PTPN21: variants seen among roughly 807,000 people sequenced by gnomAD.
PTPN21 encodes protein tyrosine phosphatase non-receptor type 21.
In PTPN21, 77 loss-of-function variants were observed where a neutral mutation model predicts 131.8. That is an observed-to-expected ratio of 0.58 (90% CI 0.49 to 0.71). The LOEUF is 0.71. PTPN21 is among the 30% of genes least tolerant of loss of function. The probability of loss-of-function intolerance (pLI) is 0.00; values close to 1 mark genes in which losing one functional copy is unlikely to be tolerated. For missense variants in PTPN21, 1,552 were observed against 1,527.1 expected, an observed-to-expected ratio of 1.02 and a Z score of -0.27; for synonymous variants, 715 against 621.3, an observed-to-expected ratio of 1.15 and a Z score of -2.24.
At chr14:88,488,542 G>A (rs1321968916) in intron 10 of PTPN21, among the ~76,000 whole-genome samples, 1 of 152,242 alleles carries the variant, frequency 6.6e-6, no homozygotes, top group Non-Finnish European at 1.5e-5. Context: ...AGAAAACCAT[G>A]TAACTGTTGG....
rs1338083268 is a variant in PTPN21 at position 88,485,129 on chromosome 14, G to T, written c.1025C>A (p.Pro342Gln). The T allele has an allele frequency of 6.2e-7, 1 of 1,606,662 alleles. No homozygotes were observed. ...ATGTCCATTATAGTGCAACTGCGGTGGGGGAGGCATCACGTAGGGCTGGGG... is the reference window on the plus strand; with the variant it reads ...ATGTCCATTATAGTGCAACTGCGGTTGGGGAGGCATCACGTAGGGCTGGGG... ...PKPQPYVMPP[P>Q]PQLHYNGHYT... is the part of the protein sequence containing the mutation. The change falls in exon 12 of 19, where the codon CCA (proline) becomes CAA (glutamine). Residue 342 changes from proline (P) to glutamine (Q), a missense_variant. Transcript: ENST00000556564.
At chr14:88,517,769 T>C (rs1375424937) in intron 2 of PTPN21, among the ~76,000 whole-genome samples, 2 of 142,966 alleles carry the variant, frequency 1.4e-5, no homozygotes, top group African/African-American at 5.2e-5. Context: ...GTATATACAC[T>C]ATATATAATG....
intron 2 of PTPN21, among the ~76,000 whole-genome samples, chr14:88,518,713 G>A (rs1472489495): frequency 6.6e-6 from 1 of 151,454 alleles, no homozygotes; most frequent in Non-Finnish European, 1.5e-5. Context: ...TTATAGGCAT[G>A]AGCCACCGCA....
intron 13 of PTPN21, among the ~76,000 whole-genome samples, chr14:88,477,977 G>C (rs748854434): frequency 4.6e-5 from 7 of 152,244 alleles, no homozygotes; most frequent in Non-Finnish European, 1.0e-4. Flanking sequence ...TACATCTACA[G>C]TGTAGATGAT....
At position 88,498,886 on chromosome 14, in the gene PTPN21, T is replaced by A. The variant is rs190803000; in HGVS notation, c.765-1596A>T. Among the ~76,000 whole-genome samples, 907 of 137,948 alleles carry A rather than the reference T, an allele frequency of 6.6e-3. 12 individuals are homozygous for A. The highest frequency in any genetic ancestry group is 0.021 in the African/African-American group (874 of 40,684). The allele number at this position is 137,948 out of a possible 152,430, so 90.5% of individuals were successfully genotyped here. On this transcript the variant is annotated intron_variant, in intron 8 of 18. Coordinates refer to ENST00000556564, the MANE Select transcript of PTPN21 (RefSeq NM_007039.4). ...AAAGAAAAAATTATGGAAGAAAAAA[T>A]TTTATCCTTCTCCATTAGATTTATT... is the stretch of plus-strand genomic sequence containing the variant.
At chr14:88,534,326 T>TAA (rs1246083885) in intron 2 of PTPN21, among the ~76,000 whole-genome samples, 4 of 148,860 alleles carry the variant, frequency 2.7e-5, no homozygotes, top group Non-Finnish European at 5.9e-5. Flanking sequence ...GAGGTTGCAG[T>TAA]AAGCCAAGAT....
At chr14:88,549,070 G>A (rs958100523) in intron 2 of PTPN21, among the ~76,000 whole-genome samples, 1 of 152,220 alleles carries the variant, frequency 6.6e-6, no homozygotes, top group South Asian at 2.1e-4. Context: ...ACTGAGTTCA[G>A]GCAGTATGTT....
rs112807605 is a variant in PTPN21, at chr14:88,468,032, C to T, written c.*105G>A. ...CTGCGCCACTTACGTCCCAGTGCCA[C>T]GCTGCGTGGATCAAGTGTCAACGGG... On this transcript the variant is annotated 3_prime_UTR_variant, in exon 19 of 19. Coordinates refer to ENST00000556564, the MANE Select transcript of PTPN21 (RefSeq NM_007039.4). 27 of 1,411,292 alleles carry T rather than the reference C, an allele frequency of 1.9e-5. No homozygotes were observed. In the East Asian group the frequency reaches 2.7e-4, roughly 14 times the overall value. The allele number at this position is 1,411,292 out of a possible 1,614,324, so 87.4% of individuals were successfully genotyped here. A position where few individuals can be genotyped will look rare whatever the true frequency, so the allele number is the denominator to read the frequency against.
intron 15 of PTPN21, chr14:88,470,263 C>T (rs2077440143): frequency 5.2e-6 from 3 of 572,258 alleles, no homozygotes; most frequent in Non-Finnish European, 9.3e-6. Flanking sequence ...AACTTAGGTA[C>T]TGTGAATATA....
At chr14:88,495,117 C>T (rs1274822299) in intron 10 of PTPN21, among the ~76,000 whole-genome samples, 1 of 149,800 alleles carries the variant, frequency 6.7e-6, no homozygotes, top group African/African-American at 2.5e-5. Flanking sequence ...AAGCTACAGG[C>T]AGCGAAGGCA....
At chr14:88,532,661 G>C (rs1300875917) in intron 2 of PTPN21, among the ~76,000 whole-genome samples, 1 of 151,934 alleles carries the variant, frequency 6.6e-6, no homozygotes, top group Admixed American at 6.5e-5. Flanking sequence ...TAGCGATTTG[G>C]TAATCCAATC....
chr14:88,473,090 C>T (rs10132554), intron 14 of PTPN21, among the ~76,000 whole-genome samples: 51,420 of 151,680 alleles, frequency 0.34, 8,886 homozygotes, highest in South Asian at 0.43. Flanking sequence ...ATCTAGGGGA[C>T]GGATAATGAG....
rs114967427 is a variant in PTPN21 at position 88,510,523 on chromosome 14, C to T, written c.351-2503G>A. ...AATGACCCAAAGGTCTTGTTCTTAACCACGACAAATCTACAGTTATAGATA... is the reference window on the plus strand; with the variant it reads ...AATGACCCAAAGGTCTTGTTCTTAATCACGACAAATCTACAGTTATAGATA... On this transcript the variant is annotated intron_variant, in intron 3 of 18. Transcript: ENST00000556564. Among the ~76,000 whole-genome samples the T allele has an allele frequency of 3.9e-3, 601 of 152,280 alleles. 6 individuals are homozygous for T. Among genetic ancestry groups the T allele is most frequent in the African/African-American group, 0.013 (547 of 41,546 alleles).
In PTPN21 at chr14:88,526,547, C is replaced by CAAAAAAA. The variant is rs10587204; in HGVS notation, c.181-9293_181-9287dup. ...CCTGGGCAATAGAGCGAGATGATCT[C>CAAAAAAA]AAAAAAAAAAAAAAAAAAAAAAAAA... On this transcript the variant is annotated intron_variant, in intron 2 of 18. Coordinates refer to ENST00000556564, the MANE Select transcript of PTPN21 (RefSeq NM_007039.4). Among the ~76,000 whole-genome samples, 89 of 56,910 alleles carry CAAAAAAA rather than the reference C, an allele frequency of 1.6e-3. 8 individuals carry two copies. Among genetic ancestry groups the CAAAAAAA allele is most frequent in the African/African-American group, 6.2e-3 (75 of 12,154 alleles). The allele number at this position is 56,910 out of a possible 152,430, so 37.3% of individuals were successfully genotyped here.
intron 3 of PTPN21, among the ~76,000 whole-genome samples, chr14:88,516,513 CA>C (rs1454499440): frequency 2.0e-5 from 3 of 152,054 alleles, no homozygotes; most frequent in African/African-American, 7.2e-5. Flanking sequence ...TCATTGTCTT[CA>C]GGGGGAAAAA....
Position 88,526,185 on chromosome 14 carries a change from G to A in PTPN21, c.181-8924C>T, listed in dbSNP as rs191929455. Among the ~76,000 whole-genome samples the A allele has an allele frequency of 1.5e-4, 23 of 152,114 alleles. No homozygotes were observed. The East Asian group carries it at 2.5e-3, about 17-fold the overall frequency. On this transcript the variant is annotated intron_variant, in intron 2 of 18. Transcript: ENST00000556564. ...TATGGGATACAGAATTTCCTTTGGG[G>A]GTGATGAAAATGTTTTAGAAATAGA... is the stretch of plus-strand genomic sequence containing the variant.
chr14:88,484,337 CAGAG>C (rs1333733448), intron 12 of PTPN21, among the ~76,000 whole-genome samples: 4 of 151,966 alleles, frequency 2.6e-5, no homozygotes, highest in African/African-American at 9.7e-5. Context: ...TAGCCCCATA[CAGAG>C]AGAGTATAGA....
chr14:88,498,823 T>A (rs1275525610), intron 8 of PTPN21, among the ~76,000 whole-genome samples: 2 of 152,196 alleles, frequency 1.3e-5, no homozygotes, highest in Non-Finnish European at 2.9e-5. Context: ...AGCTTTTATA[T>A]GTTAATATTT....
chr14:88,550,561 C>G lies in PTPN21; in HGVS notation c.-144G>C. The G allele has an allele frequency of 1.2e-6, 1 of 818,324 alleles. No individual in the cohort carries two copies. Among genetic ancestry groups the G allele is most frequent in the Non-Finnish European group, 1.9e-6 (1 of 536,922 alleles). The allele number at this position is 818,324 out of a possible 1,614,324, so 50.7% of individuals were successfully genotyped here. ...CAGCTGCTCACCCAGCAGCCGCTGC[C>G]GCCATTAAAAAGCAACGGAGTCTCC... is the stretch of plus-strand genomic sequence containing the variant. On this transcript the variant is annotated 5_prime_UTR_variant, in exon 2 of 19. Transcript: ENST00000556564.
Sources: gnomAD v4.1 joint callset for allele counts (sites outside exome capture counted in the v4.1 genomes callset) on GRCh38, gnomAD v4.1.1 for gene constraint, MANE v1.5 for transcripts, NCBI Gene and HGNC (gene_info 2026-07-23, HGNC 2026-07-21) for gene names.